Variants in TNFSF8 observed in about 807,000 individuals in gnomAD.
The protein encoded by TNFSF8 is TNF superfamily member 8.
Under a neutral mutation model 22.0 loss-of-function variants are expected in TNFSF8, and 4 were observed. That is an observed-to-expected ratio of 0.18 (90% confidence interval 0.09 to 0.42). The LOEUF is 0.42. TNFSF8 is among the 10% of genes least tolerant of loss of function. The pLI is 1.00. For synonymous variants in TNFSF8, 106 were observed against 112.5 expected (o/e 0.94, Z 0.37); for missense variants, 233 against 281.8 (o/e 0.83, Z 1.24).
chr9:114,907,319 C>T (rs1232068867), intron 2 of TNFSF8, among the ~76,000 whole-genome samples: 1 of 152,200 alleles, frequency 6.6e-6, no homozygotes, highest in Non-Finnish European at 1.5e-5. Context: ...TTGGTTTCAT[C>T]CTCATGCATC....
intron 4 of TNFSF8, among the ~76,000 whole-genome samples, chr9:114,894,412 C>G (rs1028600217): frequency 3.5e-4 from 54 of 152,232 alleles, no homozygotes; most frequent in Middle Eastern, 3.4e-3. Context: ...GTCAAATTAA[C>G]AAGATGTGAA....
At chr9:114,904,941 G>C (rs1327485611) in intron 3 of TNFSF8, among the ~76,000 whole-genome samples, 1 of 152,150 alleles carries the variant, frequency 6.6e-6, no homozygotes, top group Non-Finnish European at 1.5e-5. Context: ...TCAAAGGGCA[G>C]CCAAAAATAA....
chr9:114,914,766 G>A (rs1827897845), intron 2 of TNFSF8, among the ~76,000 whole-genome samples: 1 of 151,996 alleles, frequency 6.6e-6, no homozygotes, highest in Admixed American at 6.5e-5. Flanking sequence ...TGGGGGAAAG[G>A]TTCTCCTCCC....
downstream of TNFSF8, among the ~76,000 whole-genome samples, chr9:114,899,379 C>T (rs1827693141): frequency 1.4e-5 from 2 of 138,706 alleles, no homozygotes; most frequent in Middle Eastern, 3.9e-3. Flanking sequence ...TCGTTGGCAA[C>T]ATGACCTTTC....
At chr9:114,895,987 C>T (rs112982705) in intron 4 of TNFSF8, among the ~76,000 whole-genome samples, 2 of 152,202 alleles carry the variant, frequency 1.3e-5, no homozygotes, top group African/African-American at 4.8e-5. Context: ...GTGATCATTA[C>T]AAATGAATAC....
intron 2 of TNFSF8, among the ~76,000 whole-genome samples, chr9:114,911,181 T>C (rs1321353110): frequency 1.3e-5 from 2 of 152,246 alleles, no homozygotes; most frequent in East Asian, 1.9e-4. Context: ...ATGACATTAT[T>C]TGATGGACGG....
chr9:114,930,254 T>G lies in TNFSF8; in HGVS notation c.50A>C (p.Asp17Ala), dbSNP rs761838581. ...GCCCGCCGGCACATGCATGGCTGTG[T>G]CTCCAGGAGGGGCCATTCCGTTGAG... ...QALNGMAPPG[D>A]TAMHVPAGSV... The change falls in exon 1 of 4, where the codon GAC becomes GCC. Residue 17 changes from aspartate to alanine, a missense_variant. Coordinates refer to ENST00000223795, the MANE Select transcript of TNFSF8 (RefSeq NM_001244.4). 1 of 1,604,084 alleles carries G rather than the reference T, an allele frequency of 6.2e-7. No individual in the cohort carries two copies.
At chr9:114,900,373 A>T (rs1266035382), downstream of TNFSF8, among the ~76,000 whole-genome samples, 1 of 152,216 alleles carries the variant, frequency 6.6e-6, no homozygotes, top group Non-Finnish European at 1.5e-5. Context: ...TGGAAGTCCC[A>T]TTGGTTGGAA....
intron 4 of TNFSF8, among the ~76,000 whole-genome samples, chr9:114,894,664 G>C (rs1827639262): frequency 6.6e-6 from 1 of 152,216 alleles, no homozygotes; most frequent in Non-Finnish European, 1.5e-5. Context: ...AGATGCAGTA[G>C]ACTACAGTAT....
downstream of TNFSF8, among the ~76,000 whole-genome samples, chr9:114,899,304 G>C (rs2131338781): frequency 6.6e-6 from 1 of 151,336 alleles, no homozygotes; most frequent in South Asian, 2.1e-4. Flanking sequence ...TGACTTAAGA[G>C]AGCATCATAA....
chr9:114,925,934 C>G (rs973454308), intron 1 of TNFSF8, among the ~76,000 whole-genome samples: 8 of 152,074 alleles, frequency 5.3e-5, no homozygotes, highest in Admixed American at 2.0e-4. Flanking sequence ...ACCTAGGAGT[C>G]TATCTCATTG....
At chr9:114,924,859 G>A (rs1828036380) in intron 1 of TNFSF8, among the ~76,000 whole-genome samples, 1 of 152,168 alleles carries the variant, frequency 6.6e-6, no homozygotes, top group Non-Finnish European at 1.5e-5. Flanking sequence ...ACAGGGTCTT[G>A]CCCCTTCCAC....
chr9:114,911,520 T>C (rs933247521), intron 2 of TNFSF8, among the ~76,000 whole-genome samples: 2 of 152,192 alleles, frequency 1.3e-5, no homozygotes, highest in African/African-American at 4.8e-5. Context: ...AATTCCTTGA[T>C]ATCACTAAGC....
chr9:114,903,748 C>T lies in TNFSF8; in HGVS notation c.*183G>A. ...CCTGCCTGCTATCTGAAAGATACTT[C>T]ACTAAAAACTCTCTTTTTAACCCTG... On this transcript the variant is annotated 3_prime_UTR_variant, in exon 4 of 4. Transcript: ENST00000223795. 1.5e-6 allele frequency: 2 copies of T among 1,361,200 alleles called. No individual in the cohort carries two copies. The highest frequency in any genetic ancestry group is 1.9e-6 in the Non-Finnish European group (2 of 1,062,256). 84.3% of individuals were successfully genotyped at this position (1,361,200 alleles called of 1,614,324 possible).
chr9:114,894,132 A>G, exon 5 of TNFSF8: 2 of 1,535,258 alleles, frequency 1.3e-6, no homozygotes, highest in Admixed American at 2.0e-5. Context: ...TCCAGGGTAG[A>G]GTGTGAATGG....
rs968399216 is a variant in TNFSF8, at chr9:114,918,322, A to G, written c.196-184T>C. Among the ~76,000 whole-genome samples, 55 of 152,124 alleles carry G rather than the reference A, an allele frequency of 3.6e-4. 1 individual carries two copies. The highest frequency in any genetic ancestry group is 1.3e-3 in the African/African-American group (55 of 41,396). On this transcript the variant is annotated intron_variant, in intron 1 of 3. Coordinates refer to ENST00000223795, the MANE Select transcript of TNFSF8 (RefSeq NM_001244.4). The stretch of plus-strand genomic sequence containing the variant: ...GGGCTTTCTATCCATTTGTTTGACA[A>G]TCTATTAGAAATGCAAGATGAGGAT...
downstream of TNFSF8, among the ~76,000 whole-genome samples, chr9:114,898,755 A>G (rs1056756494): frequency 6.6e-6 from 1 of 152,214 alleles, no homozygotes; most frequent in Non-Finnish European, 1.5e-5. Flanking sequence ...GGGGTTTATC[A>G]CAGGGTGTTA....
intron 2 of TNFSF8, among the ~76,000 whole-genome samples, chr9:114,912,706 A>G (rs1248298057): frequency 6.6e-6 from 1 of 152,224 alleles, no homozygotes; most frequent in Non-Finnish European, 1.5e-5. Flanking sequence ...GGCGGCTGTC[A>G]TCTGATTGTG....
At chr9:114,920,767 C>T (rs1174007737) in intron 1 of TNFSF8, among the ~76,000 whole-genome samples, 9 of 152,130 alleles carry the variant, frequency 5.9e-5, no homozygotes, top group South Asian at 4.1e-4. Flanking sequence ...CTCCTGGATT[C>T]GAGCAATTCC....
Sources: gnomAD v4.1 joint callset for allele counts (sites outside exome capture counted in the v4.1 genomes callset) on GRCh38, gnomAD v4.1.1 for gene constraint, MANE v1.5 for transcripts, NCBI Gene and HGNC (gene_info 2026-07-23, HGNC 2026-07-21) for gene names.